The following STPG2 variants were observed in gnomAD, a reference collection of about 807,000 sequenced individuals.
STPG2 encodes the protein sperm tail PG-rich repeat containing 2, also known as sperm-tail PG-rich repeat-containing protein 2.
STPG2 carries 56 observed loss-of-function variants against 54.2 expected under a neutral mutation model. The ratio of observed to expected loss-of-function variants is 1.03; its 90% CI spans 0.83 to 1.29. The LOEUF is 1.29. Ranked by LOEUF, STPG2 falls within the 50% of genes most tolerant of loss-of-function variation. The pLI, the probability that STPG2 is intolerant of heterozygous loss-of-function variation, is 0.00. For synonymous variants in STPG2, 200 were observed against 181.8 expected (o/e 1.10, Z -0.81); for missense variants, 596 against 544.9 (o/e 1.09, Z -0.93).
chr4:97,602,315 T>G (rs932934462), intron 10 of STPG2, among the ~76,000 whole-genome samples: 8 of 151,832 alleles, frequency 5.3e-5, no homozygotes, highest in African/African-American at 1.7e-4. Context: ...TCTGATGACC[T>G]TGTCAGTCAA....
intron 1 of STPG2, among the ~76,000 whole-genome samples, chr4:98,138,476 G>T (rs546180165): frequency 6.6e-6 from 1 of 151,996 alleles, no homozygotes; most frequent in African/African-American, 2.4e-5. Flanking sequence ...GTCAGTCTAC[G>T]CTGAGAAAGA....
intron 10 of STPG2, among the ~76,000 whole-genome samples, chr4:97,705,331 C>CTTTTTTTTTTTTTTTTT (rs148176664): frequency 6.7e-6 from 1 of 149,116 alleles, no homozygotes; most frequent in African/African-American, 2.5e-5. Context: ...CTTAGAAATT[C>CTTTTTTTTTTTTTTTTT]TTTTTTTTTT....
intron 10 of STPG2, among the ~76,000 whole-genome samples, chr4:97,659,257 T>C (rs561781508): frequency 3.0e-4 from 45 of 152,346 alleles, no homozygotes; most frequent in Middle Eastern, 3.4e-3. Context: ...TAGCCATTTA[T>C]ATATGTAAAA....
intron 9 of STPG2, among the ~76,000 whole-genome samples, chr4:97,796,047 G>C (rs1369305592): frequency 6.6e-6 from 1 of 152,052 alleles, no homozygotes; most frequent in Non-Finnish European, 1.5e-5. Context: ...AGATGGGGTT[G>C]TTTGTTTTTT....
rs555084881 is a variant in STPG2 at position 97,446,687 on chromosome 4, A to C, written c.463-258854T>G. Among the ~76,000 whole-genome samples the C allele has an allele frequency of 3.3e-5, 5 of 152,254 alleles. No individual in the cohort carries two copies. In the South Asian group the frequency reaches 1.0e-3, roughly 32 times the overall value. ...TCTCATGAGATCTGATGGTTTTATA[A>C]GTGTTGGCAGTACCTCTTCCCTCTG... is the stretch of plus-strand genomic sequence containing the variant. On this transcript the variant is annotated intron_variant, in intron 4 of 4. Transcript: ENST00000522676.
chr4:97,584,230 C>T (rs148829211), intron 10 of STPG2, among the ~76,000 whole-genome samples: 57 of 151,954 alleles, frequency 3.8e-4, no homozygotes, highest in Non-Finnish European at 6.6e-4. Flanking sequence ...CAAAAGAAAC[C>T]CTCAAAATTA....
At chr4:97,662,947 T>C (rs1722417951) in intron 10 of STPG2, among the ~76,000 whole-genome samples, 2 of 152,130 alleles carry the variant, frequency 1.3e-5, no homozygotes, top group South Asian at 4.1e-4. Context: ...GAAATTATTT[T>C]AAAAATAAAT....
At chr4:97,507,321 C>T (rs1255984191) in intron 4 of STPG2, among the ~76,000 whole-genome samples, 3 of 151,986 alleles carry the variant, frequency 2.0e-5, no homozygotes, top group Non-Finnish European at 4.4e-5. Context: ...AAGAATCACT[C>T]CCCCCAGGAA....
intron 4 of STPG2, among the ~76,000 whole-genome samples, chr4:97,475,479 C>A (rs937845836): frequency 6.7e-6 from 1 of 148,890 alleles, no homozygotes; most frequent in Non-Finnish European, 1.5e-5. Flanking sequence ...ATATATAATA[C>A]ATATATAATA....
intron 8 of STPG2, among the ~76,000 whole-genome samples, chr4:97,930,166 G>A (rs965730868): frequency 1.3e-5 from 2 of 152,062 alleles, no homozygotes; most frequent in South Asian, 2.1e-4. Flanking sequence ...TAAAGTGCTG[G>A]GATTACAGGC....
chr4:97,630,100 T>A (rs1351874485), intron 10 of STPG2, among the ~76,000 whole-genome samples: 2 of 151,896 alleles, frequency 1.3e-5, no homozygotes, highest in African/African-American at 4.8e-5. Flanking sequence ...ATTAAGTTTA[T>A]CAGTGCAAAA....
At chr4:97,996,854 C>T (rs1578766370) in intron 5 of STPG2, among the ~76,000 whole-genome samples, 1 of 152,156 alleles carries the variant, frequency 6.6e-6, no homozygotes, top group Admixed American at 6.5e-5. Context: ...CATCACTAAT[C>T]ATTAGAGAAA....
intron 4 of STPG2, among the ~76,000 whole-genome samples, chr4:97,480,645 A>G (rs1358351266): frequency 6.6e-6 from 1 of 151,622 alleles, no homozygotes; most frequent in Admixed American, 6.6e-5. Context: ...GTAGGTATGT[A>G]ATGTGGTTTT....
intron 9 of STPG2, among the ~76,000 whole-genome samples, chr4:97,769,891 C>A (rs554489008): frequency 1.3e-5 from 2 of 151,998 alleles, no homozygotes; most frequent in Non-Finnish European, 2.9e-5. Flanking sequence ...AGGTGGCATA[C>A]TAATAATAAA....
At chr4:98,028,659 G>A (rs1736502661) in intron 5 of STPG2, among the ~76,000 whole-genome samples, 1 of 152,056 alleles carries the variant, frequency 6.6e-6, no homozygotes, top group Admixed American at 6.6e-5. Context: ...ATAGTTCCTT[G>A]TTTCGTTGTG....
chr4:97,624,731 T>C (rs1734096339), intron 10 of STPG2, among the ~76,000 whole-genome samples: 1 of 152,250 alleles, frequency 6.6e-6, no homozygotes, highest in South Asian at 2.1e-4. Context: ...TGAAATTGTC[T>C]TCTAGGGCTT....
intron 5 of STPG2, among the ~76,000 whole-genome samples, chr4:98,042,147 T>A (rs1736979945): frequency 6.6e-6 from 1 of 151,896 alleles, no homozygotes; most frequent in African/African-American, 2.4e-5. Flanking sequence ...TCTCTGATAA[T>A]CTTTTGTATT....
At chr4:97,800,290 G>T (rs1011655804) in intron 9 of STPG2, among the ~76,000 whole-genome samples, 1 of 152,138 alleles carries the variant, frequency 6.6e-6, no homozygotes, top group Non-Finnish European at 1.5e-5. Flanking sequence ...TCTCTGCTCT[G>T]TTTTTTTCCC....
chr4:97,597,855 T>C (rs1451198211), intron 10 of STPG2, among the ~76,000 whole-genome samples: 2 of 151,996 alleles, frequency 1.3e-5, no homozygotes, highest in Non-Finnish European at 2.9e-5. Flanking sequence ...ACCACTCCTG[T>C]CCAAAATAGT....
Sources: gnomAD v4.1 joint callset for allele counts (sites outside exome capture counted in the v4.1 genomes callset) on GRCh38, gnomAD v4.1.1 for gene constraint, MANE v1.5 for transcripts, NCBI Gene and HGNC (gene_info 2026-07-23, HGNC 2026-07-21) for gene names.